ZC3HAV1: variants seen among roughly 807,000 people sequenced by gnomAD.
ZC3HAV1 encodes zinc finger CCCH-type containing, antiviral 1, also known as zinc finger CCCH-type antiviral protein 1.
Under a neutral mutation model 86.6 loss-of-function variants are expected in ZC3HAV1, and 41 were observed. That is an observed-to-expected ratio of 0.47 (90% CI 0.37 to 0.61). The LOEUF (loss-of-function observed/expected upper bound fraction) is 0.61. Ranked by LOEUF, ZC3HAV1 falls within the 20% of genes least tolerant of loss-of-function variation. The probability of loss-of-function intolerance (pLI) is 0.00; values close to 1 mark genes in which losing one functional copy is unlikely to be tolerated. For synonymous variants in ZC3HAV1, 421 were observed against 432.1 expected, an observed-to-expected ratio of 0.97 and a Z score of 0.32; for missense variants, 964 against 1,141.1, an observed-to-expected ratio of 0.84 and a Z score of 2.24.
rs1815917807 is a variant in ZC3HAV1 at position 139,045,011 on chromosome 7, CA to C, written c.*2582del. ...GATCTGATCTCCTACCTTCTAAGTTCAAATTGATGCATTATAAATAGTTGTA... is the reference window on the plus strand; with the variant it reads ...GATCTGATCTCCTACCTTCTAAGTTCAATTGATGCATTATAAATAGTTGTA... On this transcript the variant is annotated 3_prime_UTR_variant, in exon 13 of 13. Coordinates refer to ENST00000242351, the MANE Select transcript of ZC3HAV1 (RefSeq NM_020119.4). The C allele has an allele frequency of 6.6e-6, 1 of 152,196 alleles. No homozygotes were observed. The highest frequency in any genetic ancestry group is 6.5e-5 in the Admixed American group (1 of 15,278). 9.4% of individuals were successfully genotyped at this position (152,196 alleles called of 1,614,324 possible). A position where few individuals can be genotyped will look rare whatever the true frequency, so the allele number is the denominator to read the frequency against.
intron 1 of ZC3HAV1, among the ~76,000 whole-genome samples, chr7:139,103,660 C>G (rs1362049186): frequency 6.6e-6 from 1 of 152,188 alleles, no homozygotes; most frequent in Non-Finnish European, 1.5e-5. Context: ...TAACCATGAG[C>G]ACCAGGAAAC....
chr7:139,050,304 CTTT>C lies in ZC3HAV1; in HGVS notation c.2450-2454_2450-2452del, dbSNP rs563490436. On this transcript the variant is annotated intron_variant, in intron 12 of 12. Coordinates refer to ENST00000242351, the MANE Select transcript of ZC3HAV1 (RefSeq NM_020119.4). The stretch of plus-strand genomic sequence containing the variant: ...TTATATAATCTGGAATCTATATTTT[CTTT>C]TTTTAAAATTCCCTTTATTGTGTTA... Among the ~76,000 whole-genome samples, 335 of 152,106 alleles carry C rather than the reference CTTT, an allele frequency of 2.2e-3. 2 individuals are homozygous for C. Among genetic ancestry groups the C allele is most frequent in the Non-Finnish European group, 3.9e-3 (264 of 67,980 alleles).
intron 7 of ZC3HAV1, among the ~76,000 whole-genome samples, chr7:139,068,753 C>T (rs891851100): frequency 6.6e-6 from 1 of 152,142 alleles, no homozygotes; most frequent in African/African-American, 2.4e-5. Context: ...TCATGAACCC[C>T]GGTAGGTGGT....
chr7:139,077,588 A>G (rs557199612), intron 5 of ZC3HAV1, among the ~76,000 whole-genome samples: 8 of 152,164 alleles, frequency 5.3e-5, no homozygotes, highest in Non-Finnish European at 1.0e-4. Flanking sequence ...AAACTTACTA[A>G]AGAGAAGGCT....
In ZC3HAV1 at chr7:139,044,473, G is replaced by A. The variant is rs1273595814; in HGVS notation, c.*3121C>T. The stretch of plus-strand genomic sequence containing the variant: ...TCTTTTCTATTTCTCCTTAATAAGA[G>A]AGTTAGGGCATTAAATTGATTTTTT... On this transcript the variant is annotated 3_prime_UTR_variant, in exon 13 of 13. Coordinates refer to ENST00000242351, the MANE Select transcript of ZC3HAV1 (RefSeq NM_020119.4). 1 of 152,150 alleles carries A rather than the reference G, an allele frequency of 6.6e-6. No homozygotes were observed. The highest frequency in any genetic ancestry group is 1.5e-5 in the Non-Finnish European group (1 of 68,040). The allele number at this position is 152,150 out of a possible 1,614,324, so 9.4% of individuals were successfully genotyped here. A position where few individuals can be genotyped will look rare whatever the true frequency, so the allele number is the denominator to read the frequency against.
intron 12 of ZC3HAV1, among the ~76,000 whole-genome samples, chr7:139,049,081 C>A (rs1816044818): frequency 6.6e-6 from 1 of 150,626 alleles, no homozygotes; most frequent in Non-Finnish European, 1.5e-5. Flanking sequence ...CCACTTTAGT[C>A]CTAGAAATCT....
At position 139,109,430 on chromosome 7, in the gene ZC3HAV1, G is replaced by C; in HGVS notation, c.-99C>G. ...GTGTCCAGGGGCGGGCGCGGGCGGT[G>C]CTACTGCTGGGCGCGCCCGGAGTCA... On this transcript the variant is annotated 5_prime_UTR_variant, in exon 1 of 13. Coordinates refer to ENST00000242351, the MANE Select transcript of ZC3HAV1 (RefSeq NM_020119.4). 1.4e-6 allele frequency: 2 copies of C among 1,403,286 alleles called. No homozygotes were observed. Among genetic ancestry groups the C allele is most frequent in the Non-Finnish European group, 1.9e-6 (2 of 1,072,766 alleles). The allele number at this position is 1,403,286 out of a possible 1,614,324, so 86.9% of individuals were successfully genotyped here. A position where few individuals can be genotyped will look rare whatever the true frequency, so the allele number is the denominator to read the frequency against.
At chr7:139,083,726 CAA>C (rs34732980) in intron 3 of ZC3HAV1, 52 bp downstream of exon 3, 47,275 of 1,243,648 alleles carry the variant, frequency 0.038, no homozygotes, top group South Asian at 0.057. Context: ...GACTCTGTCT[CAA>C]AAAAAAAAAA....
Position 139,058,320 on chromosome 7 carries a change from G to A in ZC3HAV1, c.2096+2716C>T, listed in dbSNP as rs891018470. Among the ~76,000 whole-genome samples, 12 of 151,844 alleles carry A rather than the reference G, an allele frequency of 7.9e-5. No homozygotes were observed. In the East Asian group the frequency reaches 1.5e-3, roughly 20 times the overall value. On this transcript the variant is annotated intron_variant, in intron 9 of 12. Transcript: ENST00000242351. ...AATAAAAAAATTAGTCAGGTGTAGCGGTGTGCACCCATAGTCCTAGTTACT... is the reference window on the plus strand; with the variant it reads ...AATAAAAAAATTAGTCAGGTGTAGCAGTGTGCACCCATAGTCCTAGTTACT...
At chr7:139,065,786 C>T (rs1047432792) in intron 7 of ZC3HAV1, among the ~76,000 whole-genome samples, 1 of 152,030 alleles carries the variant, frequency 6.6e-6, no homozygotes, top group Non-Finnish European at 1.5e-5. Context: ...CACCTGTAGT[C>T]CCAGCTACTC....
intron 7 of ZC3HAV1, among the ~76,000 whole-genome samples, chr7:139,072,375 A>T (rs1436228209): frequency 1.3e-5 from 2 of 152,008 alleles, no homozygotes; most frequent in East Asian, 3.9e-4. Context: ...TAGTAGAGAC[A>T]GGGTTTCACC....
At chr7:139,105,032 CAAAA>C (rs34053904) in intron 1 of ZC3HAV1, among the ~76,000 whole-genome samples, 9 of 72,808 alleles carry the variant, frequency 1.2e-4, no homozygotes, top group East Asian at 3.3e-4. Flanking sequence ...GACTCTGTCT[CAAAA>C]AAAAAAAAAA....
At chr7:139,074,634 AAC>A (rs1816881293) in intron 6 of ZC3HAV1, among the ~76,000 whole-genome samples, 1 of 151,498 alleles carries the variant, frequency 6.6e-6, no homozygotes, top group Non-Finnish European at 1.5e-5. Flanking sequence ...TGTTTTGGAA[AAC>A]AGTTATTTTA....
intron 5 of ZC3HAV1, among the ~76,000 whole-genome samples, chr7:139,077,637 C>T (rs1451361802): frequency 6.6e-6 from 1 of 152,210 alleles, no homozygotes; most frequent in African/African-American, 2.4e-5. Flanking sequence ...ACATATTTGG[C>T]ACAGGGCTAG....
At chr7:139,055,550 T>C (rs1247688405) in intron 9 of ZC3HAV1, among the ~76,000 whole-genome samples, 5 of 152,240 alleles carry the variant, frequency 3.3e-5, no homozygotes, top group African/African-American at 9.6e-5. Context: ...TGTAAAAGTA[T>C]TGACTCTTTT....
rs375945623 is a variant in ZC3HAV1, at chr7:139,053,413, T to C, written c.2449+38A>G. On this transcript the variant is annotated intron_variant, in intron 12 of 12. Coordinates refer to ENST00000242351, the MANE Select transcript of ZC3HAV1 (RefSeq NM_020119.4). ...AGAAGCACATATAAAGCCCGAGTTA[T>C]GACTCTACTAGTTACGCTTCTCTAT... 30 of 1,523,060 alleles carry C rather than the reference T, an allele frequency of 2.0e-5. No individual in the cohort carries two copies. The African/African-American group carries it at 3.6e-4, about 18-fold the overall frequency. 94.3% of individuals were successfully genotyped at this position (1,523,060 alleles called of 1,614,324 possible). A position where few individuals can be genotyped will look rare whatever the true frequency, so the allele number is the denominator to read the frequency against.
rs1817077707 is a variant in ZC3HAV1 at position 139,079,971 on chromosome 7, C to A, written c.970G>T (p.Ala324Ser). 1 of 1,614,178 alleles carries A rather than the reference C, an allele frequency of 6.2e-7. No homozygotes were observed. ...KATDLGGTSQ[A>S]GTSQRFLENG... is the part of the protein sequence containing the mutation. ...TCTAAAAACCTCTGGCTTGTCCCGG[C>A]CTGACTTGTTCCTCCAAGATCAGTA... Residue 324 changes from alanine (A) to serine (S), a missense_variant, in exon 4 of 13, where the codon GCC becomes TCC. Transcript: ENST00000242351.
intron 1 of ZC3HAV1, among the ~76,000 whole-genome samples, chr7:139,093,593 G>C (rs1563139138): frequency 1.3e-5 from 2 of 152,130 alleles, no homozygotes; most frequent in African/African-American, 2.4e-5. Flanking sequence ...TGGCTCAAAA[G>C]CTCCCCCACT....
At position 139,108,966 on chromosome 7, in the gene ZC3HAV1, T is replaced by G; in HGVS notation, c.308+58A>C. The G allele has an allele frequency of 6.7e-7, 1 of 1,489,578 alleles. No individual in the cohort carries two copies. Among genetic ancestry groups the G allele is most frequent in the East Asian group, 2.5e-5 (1 of 40,172 alleles). 92.3% of individuals were successfully genotyped at this position (1,489,578 alleles called of 1,614,324 possible). ...TGCCCCTCCCAGAACATTGCCCGCCTGGACAGTCCACCCCGACCACGGCTG... is the reference window on the plus strand; with the variant it reads ...TGCCCCTCCCAGAACATTGCCCGCCGGGACAGTCCACCCCGACCACGGCTG... On this transcript the variant is annotated intron_variant, in intron 1 of 12. Transcript: ENST00000242351. The surrounding 1 kb of genome is among the most constrained non-coding windows in gnomAD (Gnocchi z 4.2).
Sources: gnomAD v4.1 joint callset for allele counts (sites outside exome capture counted in the v4.1 genomes callset) on GRCh38, gnomAD v4.1.1 for gene constraint, Gnocchi (gnomAD v3.1) non-coding constraint, MANE v1.5 for transcripts, NCBI Gene and HGNC (gene_info 2026-07-23, HGNC 2026-07-21) for gene names.